Variants in TGS1 observed in about 807,000 individuals in gnomAD.
TGS1 encodes the protein trimethylguanosine synthase 1, also known as trimethylguanosine synthase.
Under a neutral mutation model 92.2 loss-of-function variants are expected in TGS1, and 69 were observed. The observed-to-expected ratio is 0.75, with a 90% CI of 0.62 to 0.91. The LOEUF is 0.91. Ranked by LOEUF, TGS1 falls within the 40% of genes least tolerant of loss-of-function variation. The pLI is 0.00. For missense variants in TGS1, 1,062 were observed against 1,001.2 expected (o/e 1.06, Z -0.82); for synonymous variants, 345 against 338.1 (o/e 1.02, Z -0.22).
chr8:55,803,636 C>G (rs1027439453), intron 9 of TGS1, among the ~76,000 whole-genome samples: 1 of 151,628 alleles, frequency 6.6e-6, no homozygotes, highest in Non-Finnish European at 1.5e-5. Flanking sequence ...GGAAAATTAA[C>G]GCACATTATT....
At position 55,786,993 on chromosome 8, in the gene TGS1, A is replaced by G. The variant is rs1811737342; in HGVS notation, c.1095A>G (p.Pro365=). 1.9e-6 allele frequency: 3 copies of G among 1,614,036 alleles called. No individual in the cohort carries two copies. The highest frequency in any genetic ancestry group is 1.7e-5 in the Admixed American group (1 of 59,990). The change falls in exon 4 of 13, where the codon CCA becomes CCG. Residue 365 remains proline, a synonymous_variant. Coordinates refer to ENST00000260129, the MANE Select transcript of TGS1 (RefSeq NM_024831.8). Reference sequence around the variant, plus strand: ...GCCCTGCTTCCGGCCAAAGTGAACCACGTAATGGAGGAACCAATGAGGAAA... The same window carrying G: ...GCCCTGCTTCCGGCCAAAGTGAACCGCGTAATGGAGGAACCAATGAGGAAA... ...RECPASGQSE[P]RNGGTNEESN... is the part of the protein sequence containing the mutation.
intron 10 of TGS1, among the ~76,000 whole-genome samples, chr8:55,810,348 A>G (rs1422272002): frequency 6.6e-6 from 1 of 152,266 alleles, no homozygotes; most frequent in Non-Finnish European, 1.5e-5. Flanking sequence ...AAAATGTCTC[A>G]TTAAACATTA....
chr8:55,808,467 A>G (rs1803242437), intron 10 of TGS1, among the ~76,000 whole-genome samples: 1 of 151,946 alleles, frequency 6.6e-6, no homozygotes, highest in Non-Finnish European at 1.5e-5. Context: ...AGATTACTCA[A>G]ACCGTCTATA....
chr8:55,792,820 C>T (rs762756848), intron 6 of TGS1, 36 bp downstream of exon 6: 9 of 1,435,718 alleles, frequency 6.3e-6, no homozygotes, highest in Non-Finnish European at 4.9e-6. Context: ...TTCCAGAAGT[C>T]CTAACCACTT....
intron 12 of TGS1, among the ~76,000 whole-genome samples, chr8:55,822,794 T>C (rs1477853029): frequency 1.3e-5 from 2 of 152,122 alleles, no homozygotes; most frequent in African/African-American, 4.8e-5. Flanking sequence ...ACTGGTTGCT[T>C]CTTCCCTATT....
At chr8:55,782,963 T>C (rs538128250) in intron 2 of TGS1, 151 bp downstream of exon 2, 1 of 597,462 alleles carries the variant, frequency 1.7e-6, no homozygotes, top group African/African-American at 1.9e-5. Context: ...TTATTTTCTT[T>C]TATAACATGG....
chr8:55,789,861 G>C (rs1003422469), intron 4 of TGS1, among the ~76,000 whole-genome samples: 9 of 152,198 alleles, frequency 5.9e-5, no homozygotes, highest in African/African-American at 2.2e-4. Context: ...AACTGTGCTT[G>C]ATACAAGAGT....
chr8:55,779,307 A>G (rs1811489778), intron 1 of TGS1, among the ~76,000 whole-genome samples: 2 of 152,250 alleles, frequency 1.3e-5, no homozygotes, highest in Non-Finnish European at 2.9e-5. Flanking sequence ...ATAAAAATAT[A>G]ACAGCTGGTA....
At chr8:55,808,372 A>G (rs1803239766) in intron 10 of TGS1, among the ~76,000 whole-genome samples, 3 of 151,876 alleles carry the variant, frequency 2.0e-5, no homozygotes, top group Non-Finnish European at 4.4e-5. Flanking sequence ...TGTAAAATGT[A>G]TCTTCATTTT....
chr8:55,810,789 A>G, intron 10 of TGS1, 92 bp from the exon 11 acceptor site: 2 of 1,034,494 alleles, frequency 1.9e-6, no homozygotes, highest in East Asian at 2.4e-5. Context: ...GAGTTCTTAT[A>G]CAGAAGATGA....
chr8:55,794,657 A>G (rs913123929), intron 6 of TGS1, among the ~76,000 whole-genome samples: 1 of 152,230 alleles, frequency 6.6e-6, no homozygotes, highest in Non-Finnish European at 1.5e-5. Context: ...TGTATAAAAG[A>G]CATAAGATTT....
chr8:55,822,942 C>T (rs1345609833), intron 12 of TGS1, among the ~76,000 whole-genome samples: 2 of 152,186 alleles, frequency 1.3e-5, no homozygotes, highest in Non-Finnish European at 2.9e-5. Flanking sequence ...GACTGCCTCT[C>T]TTTACAAAAT....
chr8:55,825,455 T>C lies in TGS1; in HGVS notation c.*752T>C, dbSNP rs1803768909. 4 of 152,322 alleles carry C rather than the reference T, an allele frequency of 2.6e-5. No homozygotes were observed. The South Asian group carries it at 8.3e-4, about 32-fold the overall frequency. 9.4% of individuals were successfully genotyped at this position (152,322 alleles called of 1,614,324 possible). A position where few individuals can be genotyped will look rare whatever the true frequency, so the allele number is the denominator to read the frequency against. ...AATGGCAATGAAAGCAAGAGGGATA[T>C]GTGTTGCTTAATTATTCATCTAAAA... is the stretch of plus-strand genomic sequence containing the variant. On this transcript the variant is annotated 3_prime_UTR_variant, in exon 13 of 13. Coordinates refer to ENST00000260129, the MANE Select transcript of TGS1 (RefSeq NM_024831.8).
intron 10 of TGS1, among the ~76,000 whole-genome samples, chr8:55,809,400 G>T (rs1196484096): frequency 1.3e-5 from 2 of 152,136 alleles, no homozygotes; most frequent in East Asian, 3.9e-4. Context: ...GCCACATGTG[G>T]CTATTAAGCT....
At chr8:55,802,390 G>C in intron 8 of TGS1, 67 bp from the exon 9 acceptor site, 1 of 1,338,884 alleles carries the variant, frequency 7.5e-7, no homozygotes, top group Non-Finnish European at 1.1e-6. Context: ...TTCATTTTTA[G>C]ATAAACTCAC....
intron 11 of TGS1, among the ~76,000 whole-genome samples, chr8:55,812,132 A>G (rs964123982): frequency 3.9e-5 from 6 of 152,074 alleles, no homozygotes; most frequent in Admixed American, 2.6e-4. Context: ...CCCTTATTTC[A>G]TAGAGTAACG....
At chr8:55,783,615 C>T (rs942117237) in intron 2 of TGS1, among the ~76,000 whole-genome samples, 3 of 152,126 alleles carry the variant, frequency 2.0e-5, no homozygotes, top group Non-Finnish European at 4.4e-5. Flanking sequence ...TACATTGAGC[C>T]TCACTTTGAT....
chr8:55,817,569 AT>A (rs1303610752), intron 12 of TGS1, among the ~76,000 whole-genome samples: 1 of 152,206 alleles, frequency 6.6e-6, no homozygotes, highest in Non-Finnish European at 1.5e-5. Flanking sequence ...GTATCTGTGT[AT>A]TTAATAAATA....
intron 5 of TGS1, 84 bp from the exon 6 acceptor site, chr8:55,792,614 A>T: frequency 1.1e-6 from 1 of 927,920 alleles, no homozygotes; most frequent in Non-Finnish European, 1.7e-6. Flanking sequence ...TGCATGGGTC[A>T]ATTATATTGC....
Sources: allele counts gnomAD v4.1 joint callset (sites outside exome capture counted in the v4.1 genomes callset), GRCh38; gene constraint gnomAD v4.1.1; transcripts MANE v1.5; gene names NCBI Gene and HGNC (gene_info 2026-07-23, HGNC 2026-07-21).